Variants in KCTD18 observed in about 807,000 individuals in gnomAD.
The protein encoded by KCTD18 is potassium channel tetramerization domain containing 18.
A neutral mutation model predicts 30.4 loss-of-function variants in KCTD18; 22 were observed. That is an observed-to-expected ratio of 0.72 (90% CI 0.52 to 1.03). The LOEUF is 1.03. KCTD18 is among the 50% of genes least tolerant of loss of function. KCTD18 has a pLI of 0.00. For synonymous variants in KCTD18, 186 were observed against 209.0 expected, an observed-to-expected ratio of 0.89 and a Z score of 0.95; for missense variants, 529 against 547.6, an observed-to-expected ratio of 0.97 and a Z score of 0.34.
intron 6 of KCTD18, 38 bp from the exon 7 acceptor site, chr2:200,490,654 G>A (rs578090485): frequency 3.3e-6 from 5 of 1,528,686 alleles, no homozygotes; most frequent in Middle Eastern, 1.8e-4. Context: ...CACATGTATA[G>A]TTTTAGTAAC....
At position 200,504,660 on chromosome 2, in the gene KCTD18, ATG is replaced by A. The variant is rs1242169140; in HGVS notation, c.372+86_372+87del. 5.5e-6 allele frequency: 5 copies of A among 904,266 alleles called. No individual in the cohort carries two copies. The Admixed American group carries it at 1.1e-4, about 19-fold the overall frequency. The allele number at this position is 904,266 out of a possible 1,614,324, so 56.0% of individuals were successfully genotyped here. A position where few individuals can be genotyped will look rare whatever the true frequency, so the allele number is the denominator to read the frequency against. ...GCATAAAAACTATCTTGTTTGGTTA[ATG>A]TGAAAACACAGGCTATGCAAAATAG... is the stretch of plus-strand genomic sequence containing the variant. On this transcript the variant is annotated intron_variant, in intron 3 of 6. Coordinates refer to ENST00000359878, the MANE Select transcript of KCTD18 (RefSeq NM_152387.4).
At chr2:200,498,511 G>A (rs546693339) in intron 4 of KCTD18, among the ~76,000 whole-genome samples, 1 of 152,340 alleles carries the variant, frequency 6.6e-6, no homozygotes, top group East Asian at 1.9e-4. Context: ...GGCCAGCCCT[G>A]AGTCACTCAG....
chr2:200,506,110 C>G lies in KCTD18; in HGVS notation c.160+747G>C, dbSNP rs138522622. Among the ~76,000 whole-genome samples, 1,342 of 152,262 alleles carry G rather than the reference C, an allele frequency of 8.8e-3. 13 individuals carry two copies. The highest frequency in any genetic ancestry group is 0.015 in the Non-Finnish European group (1,023 of 68,018). On this transcript the variant is annotated intron_variant, in intron 2 of 6. Transcript: ENST00000359878. ...AACCTCCTAACACCAGAGTTATTAA[C>G]AGTAAAACAGTCCCTCATGTTCAAG...
chr2:200,491,772 G>A (rs912226960), intron 6 of KCTD18, among the ~76,000 whole-genome samples: 2 of 152,168 alleles, frequency 1.3e-5, no homozygotes, highest in Non-Finnish European at 2.9e-5. Flanking sequence ...AAGCATGAAA[G>A]GTGACTGCAA....
intron 2 of KCTD18, among the ~76,000 whole-genome samples, chr2:200,505,823 T>C (rs1208014337): frequency 6.6e-6 from 1 of 151,816 alleles, no homozygotes; most frequent in Non-Finnish European, 1.5e-5. Context: ...CTGGTACTAC[T>C]TTATAATAAA....
In KCTD18 at chr2:200,490,154, T is replaced by G. The variant is rs1471203664; in HGVS notation, c.1227A>C (p.Glu409Asp). Residue 409 changes from glutamate (E) to aspartate (D), a missense_variant, in exon 7 of 7, where the codon GAA (glutamate) becomes GAC (aspartate). Transcript: ENST00000359878. ...TCCGCACTCCCAAGGCACGGGCAGC[T>G]TCGCCGGGAAGCGGCTTGAGGGAGT... The part of the protein sequence containing the change: ...QANSLKPLPG[E>D]AARALGVRTE... 1 of 1,608,448 alleles carries G rather than the reference T, an allele frequency of 6.2e-7. No individual in the cohort carries two copies. Among genetic ancestry groups the G allele is most frequent in the Middle Eastern group, 1.7e-4 (1 of 6,044 alleles).
intron 4 of KCTD18, among the ~76,000 whole-genome samples, 189 bp downstream of exon 4, chr2:200,498,702 C>T (rs971229636): frequency 6.6e-5 from 10 of 152,340 alleles, no homozygotes; most frequent in African/African-American, 2.4e-4. Flanking sequence ...CTTATCCATA[C>T]TGTATGGGAA....
At chr2:200,495,029 A>C (rs975795700) in intron 5 of KCTD18, among the ~76,000 whole-genome samples, 4 of 98,218 alleles carry the variant, frequency 4.1e-5, no homozygotes, top group African/African-American at 1.3e-4. Flanking sequence ...GATACACCAC[A>C]ATTTGTTTAA....
chr2:200,501,533 A>G, intron 3 of KCTD18, among the ~76,000 whole-genome samples: 2 of 141,216 alleles, frequency 1.4e-5, no homozygotes, highest in Admixed American at 7.3e-5. Context: ...AACACATGAA[A>G]AAATGCTCAC....
intron 3 of KCTD18, among the ~76,000 whole-genome samples, chr2:200,502,320 A>G (rs939760194): frequency 6.6e-6 from 1 of 152,092 alleles, no homozygotes; most frequent in African/African-American, 2.4e-5. Context: ...AAAAAAAAAG[A>G]AATCTTCATA....
rs1233326964 is a variant in KCTD18, at chr2:200,489,688, C to A, written c.*412G>T. The A allele has an allele frequency of 3.0e-5, 5 of 168,020 alleles. No individual in the cohort carries two copies. The highest frequency in any genetic ancestry group is 2.5e-5 in the Non-Finnish European group (2 of 78,556). 10.4% of individuals were successfully genotyped at this position (168,020 alleles called of 1,614,324 possible). On this transcript the variant is annotated 3_prime_UTR_variant, in exon 7 of 7. Coordinates refer to ENST00000359878, the MANE Select transcript of KCTD18 (RefSeq NM_152387.4). ...GGCTGTGATATAGTACAGGGAACCA[C>A]TAATATCACCCCCTCCATTTTCCCA... is the stretch of plus-strand genomic sequence containing the variant.
intron 5 of KCTD18, among the ~76,000 whole-genome samples, chr2:200,495,673 A>C (rs1486549374): frequency 3.3e-5 from 5 of 150,832 alleles, no homozygotes; most frequent in African/African-American, 1.2e-4. Flanking sequence ...CCACGTGTTT[A>C]CTTCTTTTTC....
At chr2:200,503,295 CATTTA>C (rs1385445491) in intron 3 of KCTD18, among the ~76,000 whole-genome samples, 4 of 152,216 alleles carry the variant, frequency 2.6e-5, no homozygotes, top group Non-Finnish European at 5.9e-5. Context: ...CTTGCACTTT[CATTTA>C]ATATTGCTAT....
intron 4 of KCTD18, among the ~76,000 whole-genome samples, chr2:200,498,317 C>T (rs2088028638): frequency 6.6e-6 from 1 of 152,164 alleles, no homozygotes; most frequent in Admixed American, 6.5e-5. Flanking sequence ...TAATATTCGA[C>T]CCAATCCCAT....
rs762356170 is a variant in KCTD18 at position 200,490,212 on chromosome 2, C to CAGGG, written c.1168_1169insCCCT (p.Cys390SerfsTer31). On this transcript the variant is annotated frameshift_variant, in exon 7 of 7. Coordinates refer to ENST00000359878, the MANE Select transcript of KCTD18 (RefSeq NM_152387.4). LOFTEE classifies it low-confidence loss of function (END_TRUNC). ...CCTCGTGGCCGTGGGGGAGGGCAGG[C>CAGGG]AAGGCGCGGTGGCGCACAGCGGAGT... 6.2e-7 allele frequency: 1 copy of CAGGG among 1,613,868 alleles called. No individual in the cohort carries two copies. Among genetic ancestry groups the CAGGG allele is most frequent in the East Asian group, 2.2e-5 (1 of 44,864 alleles).
chr2:200,504,524 A>T (rs1331132971), intron 3 of KCTD18, among the ~76,000 whole-genome samples: 1 of 152,106 alleles, frequency 6.6e-6, no homozygotes, highest in Admixed American at 6.6e-5. Flanking sequence ...AAAAGTGTTA[A>T]ATCTTCAGTG....
chr2:200,490,621 A>G lies in KCTD18; in HGVS notation c.765-5T>C. The G allele has an allele frequency of 6.3e-7, 1 of 1,577,336 alleles. No homozygotes were observed. Among genetic ancestry groups the G allele is most frequent in the Non-Finnish European group, 8.6e-7 (1 of 1,166,372 alleles). On this transcript the variant is annotated splice_region_variant and splice_polypyrimidine_tract_variant and intron_variant, in intron 6 of 6. Coordinates refer to ENST00000359878, the MANE Select transcript of KCTD18 (RefSeq NM_152387.4). The stretch of plus-strand genomic sequence containing the variant: ...TCATTGAACGTTATCAGTCGCCTAG[A>G]AATACAGAAGCGTGTCATTTTCCAC...
intron 5 of KCTD18, chr2:200,497,227 G>T (rs1306556933): frequency 6.5e-6 from 1 of 153,194 alleles, no homozygotes; most frequent in Non-Finnish European, 1.5e-5. Flanking sequence ...GGAATGGTAA[G>T]TAGCGTACAG....
rs1207445152 is a variant in KCTD18, at chr2:200,489,141, T to C, written c.*959A>G. ...TGAAAGTAGAAATATGTGATCCAAT[T>C]ACAAAACATAACATTTACGAATAAA... On this transcript the variant is annotated 3_prime_UTR_variant, in exon 7 of 7. Coordinates refer to ENST00000359878, the MANE Select transcript of KCTD18 (RefSeq NM_152387.4). The C allele has an allele frequency of 1.3e-5, 2 of 152,570 alleles. No individual in the cohort carries two copies. Among genetic ancestry groups the C allele is most frequent in the African/African-American group, 4.8e-5 (2 of 41,428 alleles). The allele number at this position is 152,570 out of a possible 1,614,324, so 9.5% of individuals were successfully genotyped here.
Sources: gnomAD v4.1 joint callset for allele counts (sites outside exome capture counted in the v4.1 genomes callset) on GRCh38, gnomAD v4.1.1 for gene constraint, MANE v1.5 for transcripts, NCBI Gene and HGNC (gene_info 2026-07-23, HGNC 2026-07-21) for gene names.